Variants in ZBTB20 observed in about 807,000 individuals in gnomAD.
The protein encoded by ZBTB20 is zinc finger and BTB domain containing 20.
Under a neutral mutation model 56.9 loss-of-function variants are expected in ZBTB20, and 9 were observed. That is an observed-to-expected ratio of 0.16 (90% CI 0.10 to 0.28). The LOEUF is 0.28. Among genes scored for constraint, ZBTB20 ranks in the 10% least tolerant of loss-of-function variants. The pLI is 1.00. For synonymous variants in ZBTB20, 417 were observed against 420.7 expected (o/e 0.99, Z 0.11); for missense variants, 655 against 1,003.0 (o/e 0.65, Z 4.69).
At chr3:114,493,596 C>T (rs1270757493) in intron 7 of ZBTB20, among the ~76,000 whole-genome samples, 1 of 152,188 alleles carries the variant, frequency 6.6e-6, no homozygotes, top group Non-Finnish European at 1.5e-5. Context: ...TCTTCAGGGA[C>T]TTCATGCTGT....
At chr3:114,964,809 G>C (rs113715766) in intron 3 of ZBTB20, among the ~76,000 whole-genome samples, 3,016 of 152,204 alleles carry the variant, frequency 0.02, 41 homozygotes, top group South Asian at 0.031. Flanking sequence ...TAATATGAGG[G>C]ATAGGAAAAG....
chr3:114,874,479 C>A (rs1019521710), intron 4 of ZBTB20, among the ~76,000 whole-genome samples: 3 of 152,150 alleles, frequency 2.0e-5, no homozygotes, highest in Non-Finnish European at 4.4e-5. Flanking sequence ...TAAGCACAGA[C>A]CTGCAAGTTA....
At chr3:115,122,485 C>A (rs191005314) in intron 1 of ZBTB20, among the ~76,000 whole-genome samples, 9 of 152,140 alleles carry the variant, frequency 5.9e-5, no homozygotes, top group African/African-American at 2.2e-4. Flanking sequence ...AAAATTACTT[C>A]CTACATTTCA....
chr3:115,050,817 T>G (rs1438256526), intron 2 of ZBTB20, among the ~76,000 whole-genome samples: 1 of 152,080 alleles, frequency 6.6e-6, no homozygotes, highest in Non-Finnish European at 1.5e-5. Context: ...ACTGTGTAGT[T>G]TTCCCTACAG....
chr3:114,896,554 A>G (rs1421883091), intron 4 of ZBTB20, among the ~76,000 whole-genome samples: 1 of 152,092 alleles, frequency 6.6e-6, no homozygotes, highest in Non-Finnish European at 1.5e-5. Flanking sequence ...AGTCAAAATG[A>G]CAGAGACAGA....
intron 5 of ZBTB20, among the ~76,000 whole-genome samples, chr3:114,731,534 T>C (rs1265896531): frequency 6.6e-6 from 1 of 152,158 alleles, no homozygotes; most frequent in Non-Finnish European, 1.5e-5. Flanking sequence ...TGAAAAAAAC[T>C]TGTGACCAAG....
intron 6 of ZBTB20, among the ~76,000 whole-genome samples, chr3:114,649,077 A>T (rs1259207345): frequency 6.6e-6 from 1 of 152,034 alleles, no homozygotes; most frequent in Non-Finnish European, 1.5e-5. Flanking sequence ...ACAATGATTT[A>T]ATTACCCCAC....
At chr3:114,742,955 C>G (rs1044145351) in intron 5 of ZBTB20, among the ~76,000 whole-genome samples, 1 of 152,202 alleles carries the variant, frequency 6.6e-6, no homozygotes, top group African/African-American at 2.4e-5. Context: ...GTACAAGACT[C>G]AAGTGTCCTC....
rs185263507 is a variant in ZBTB20, at chr3:114,410,833, G to A, written c.-254-21728C>T. Among the ~76,000 whole-genome samples, 8 of 152,250 alleles carry A rather than the reference G, an allele frequency of 5.3e-5. No homozygotes were observed. The East Asian group carries it at 1.4e-3, about 26-fold the overall frequency. On this transcript the variant is annotated intron_variant, in intron 7 of 11. Coordinates refer to ENST00000675478, the MANE Select transcript of ZBTB20 (RefSeq NM_001348800.3). Reference sequence around the variant, plus strand: ...ATTTGAGGTCCGGAGGAGAGGAAGGGCTCCATTTTGAGCCGCCCATTTTCT... The same window carrying A: ...ATTTGAGGTCCGGAGGAGAGGAAGGACTCCATTTTGAGCCGCCCATTTTCT...
intron 5 of ZBTB20, among the ~76,000 whole-genome samples, chr3:114,733,183 A>T (rs1189865895): frequency 6.6e-6 from 1 of 152,174 alleles, no homozygotes; most frequent in Non-Finnish European, 1.5e-5. Context: ...CATTTATAGA[A>T]ACAGACTTAC....
chr3:114,890,061 C>T (rs1478396299), intron 4 of ZBTB20, among the ~76,000 whole-genome samples: 7 of 152,086 alleles, frequency 4.6e-5, no homozygotes, highest in South Asian at 2.1e-4. Context: ...TAAGTGATAA[C>T]AGAGAAACTT....
At chr3:114,785,567 T>G (rs2070416769) in intron 5 of ZBTB20, among the ~76,000 whole-genome samples, 1 of 152,122 alleles carries the variant, frequency 6.6e-6, no homozygotes. Context: ...AGTGGTGGAA[T>G]TGATTGTTAT....
At chr3:114,650,508 G>A (rs1340365637) in intron 6 of ZBTB20, among the ~76,000 whole-genome samples, 2 of 151,778 alleles carry the variant, frequency 1.3e-5, no homozygotes, top group Non-Finnish European at 3.0e-5. Context: ...TTCCCATGAA[G>A]ATCAAGAAAA....
intron 1 of ZBTB20, among the ~76,000 whole-genome samples, chr3:115,099,454 A>G (rs2083497258): frequency 6.6e-6 from 1 of 152,228 alleles, no homozygotes; most frequent in African/African-American, 2.4e-5. Flanking sequence ...GTAAAAGCCC[A>G]TCTGCAAAAT....
chr3:114,617,250 G>A (rs1264248481), intron 6 of ZBTB20, among the ~76,000 whole-genome samples: 2 of 152,128 alleles, frequency 1.3e-5, no homozygotes, highest in East Asian at 1.9e-4. Context: ...CTACAGCATC[G>A]TTTCTCTGTA....
At chr3:114,805,071 T>G (rs2072002750) in intron 4 of ZBTB20, among the ~76,000 whole-genome samples, 1 of 151,884 alleles carries the variant, frequency 6.6e-6, no homozygotes, top group Admixed American at 6.6e-5. Context: ...TTGGAACAAT[T>G]TTAGAATTAT....
At chr3:114,812,212 C>T (rs933914584) in intron 4 of ZBTB20, among the ~76,000 whole-genome samples, 1 of 152,238 alleles carries the variant, frequency 6.6e-6, no homozygotes, top group Non-Finnish European at 1.5e-5. Context: ...TCTTATCTGG[C>T]GCCACCCACA....
At chr3:114,455,896 A>T (rs2091983353) in intron 7 of ZBTB20, among the ~76,000 whole-genome samples, 1 of 152,040 alleles carries the variant, frequency 6.6e-6, no homozygotes, top group African/African-American at 2.4e-5. Flanking sequence ...AGCCCCAGAG[A>T]TCAATCTCTC....
chr3:114,847,713 T>C (rs533943130), intron 4 of ZBTB20, among the ~76,000 whole-genome samples: 6 of 152,232 alleles, frequency 3.9e-5, no homozygotes, highest in East Asian at 1.9e-4. Flanking sequence ...ACTGTAGTCA[T>C]TGGGTACCTG....
Sources: allele counts gnomAD v4.1 joint callset (sites outside exome capture counted in the v4.1 genomes callset), GRCh38; gene constraint gnomAD v4.1.1; transcripts MANE v1.5; gene names NCBI Gene and HGNC (gene_info 2026-07-23, HGNC 2026-07-21).